CSMD1: variants seen among roughly 807,000 people sequenced by gnomAD.
The protein encoded by CSMD1 is CUB and sushi domain-containing protein 1.
CSMD1 carries 213 observed loss-of-function variants against 417.5 expected under a neutral mutation model. The ratio of observed to expected loss-of-function variants is 0.51; its 90% CI spans 0.46 to 0.57. The LOEUF is 0.57. Ranked by LOEUF, CSMD1 falls within the 20% of genes least tolerant of loss-of-function variation. The pLI is 0.00. For missense variants in CSMD1, 6,923 were observed against 4,529.7 expected (o/e 1.53, Z -15.17); for synonymous variants, 2,862 against 1,736.8 (o/e 1.65, Z -16.11).
rs1180306653 is a variant in CSMD1, at chr8:3,382,407, T to C, written c.2782+5087A>G. 4.1e-5 allele frequency among the ~76,000 whole-genome samples: 6 copies of C among 144,604 alleles called. No individual in the cohort carries two copies. The South Asian group carries it at 1.3e-3, about 30-fold the overall frequency. The allele number at this position is 144,604 out of a possible 152,430, so 94.9% of individuals were successfully genotyped here. On this transcript the variant is annotated intron_variant, in intron 18 of 69. Transcript: ENST00000635120. ...AATTAGTTATATATATGTTATTATA[T>C]AATATATAACACATAATATATTATA...
intron 8 of CSMD1, among the ~76,000 whole-genome samples, chr8:3,603,984 T>C (rs779188584): frequency 1.3e-5 from 2 of 152,188 alleles, no homozygotes; most frequent in East Asian, 1.9e-4. Context: ...AATGAAAATT[T>C]TGCATACTGA....
chr8:2,942,146 G>A (rs958272605), intron 69 of CSMD1, among the ~76,000 whole-genome samples: 3 of 152,082 alleles, frequency 2.0e-5, no homozygotes, highest in South Asian at 4.2e-4. Flanking sequence ...TGGACACATT[G>A]AGGGGACAAC....
chr8:3,397,575 G>C (rs951915831), intron 16 of CSMD1, among the ~76,000 whole-genome samples: 1 of 152,174 alleles, frequency 6.6e-6, no homozygotes, highest in Admixed American at 6.5e-5. Context: ...GGATTGCATA[G>C]TGCCAACTTT....
chr8:3,802,996 T>G (rs959568923), intron 5 of CSMD1, among the ~76,000 whole-genome samples: 7 of 152,210 alleles, frequency 4.6e-5, no homozygotes, highest in African/African-American at 1.7e-4. Flanking sequence ...GAAATATTTA[T>G]TATTTCCTTT....
At chr8:3,890,403 G>T (rs1160888177) in intron 5 of CSMD1, among the ~76,000 whole-genome samples, 1 of 151,900 alleles carries the variant, frequency 6.6e-6, no homozygotes, top group East Asian at 1.9e-4. Flanking sequence ...AAGACAAAGG[G>T]GACATCAGAC....
chr8:4,658,366 A>G (rs1804373869), intron 1 of CSMD1, among the ~76,000 whole-genome samples: 3 of 152,154 alleles, frequency 2.0e-5, no homozygotes, highest in African/African-American at 7.2e-5. Context: ...GAAGTAACTT[A>G]TTATACACAA....
At chr8:3,115,743 T>A (rs1453825080) in intron 42 of CSMD1, among the ~76,000 whole-genome samples, 1 of 152,248 alleles carries the variant, frequency 6.6e-6, no homozygotes, top group Non-Finnish European at 1.5e-5. Flanking sequence ...TACAAATTGA[T>A]TTCATATATA....
At chr8:4,110,824 T>A (rs919172072) in intron 3 of CSMD1, among the ~76,000 whole-genome samples, 7 of 152,186 alleles carry the variant, frequency 4.6e-5, no homozygotes, top group Admixed American at 2.0e-4. Context: ...TCTGCTTCTA[T>A]TTCTACTTTT....
At chr8:3,852,987 GT>G (rs1221255714) in intron 5 of CSMD1, among the ~76,000 whole-genome samples, 1 of 152,082 alleles carries the variant, frequency 6.6e-6, no homozygotes, top group Non-Finnish European at 1.5e-5. Flanking sequence ...CCCCAAGAGT[GT>G]TCTTGACTTG....
chr8:3,543,297 A>T (rs34204505), intron 10 of CSMD1, among the ~76,000 whole-genome samples: 1 of 152,122 alleles, frequency 6.6e-6, no homozygotes, highest in Non-Finnish European at 1.5e-5. Flanking sequence ...ACATTATTAG[A>T]ATAATTTATG....
chr8:3,154,560 T>G (rs1819401015), intron 39 of CSMD1, among the ~76,000 whole-genome samples: 1 of 152,250 alleles, frequency 6.6e-6, no homozygotes, highest in African/African-American at 2.4e-5. Context: ...AGAAAGAATA[T>G]ACAGAATTTT....
At chr8:3,660,547 A>G (rs13251055) in intron 7 of CSMD1, among the ~76,000 whole-genome samples, 71,398 of 71,762 alleles carry the variant, frequency 0.99, 35,522 homozygotes, top group Middle Eastern at 1. Context: ...TTGAAAAAAA[A>G]CAAGGCCCTG....
At chr8:4,893,007 C>G (rs539325266) in intron 1 of CSMD1, among the ~76,000 whole-genome samples, 56 of 152,224 alleles carry the variant, frequency 3.7e-4, no homozygotes, top group African/African-American at 1.3e-3. Context: ...GATACTGCAT[C>G]TGTGTTTGTA....
At chr8:4,688,567 AAGC>A (rs1806554978) in intron 1 of CSMD1, among the ~76,000 whole-genome samples, 12 of 152,180 alleles carry the variant, frequency 7.9e-5, no homozygotes, top group Non-Finnish European at 1.8e-4. Context: ...GTCTCCCACT[AAGC>A]AGCAGTCAGA....
At chr8:3,316,137 A>C (rs1805740772) in intron 23 of CSMD1, among the ~76,000 whole-genome samples, 1 of 152,292 alleles carries the variant, frequency 6.6e-6, no homozygotes, top group East Asian at 1.9e-4. Context: ...AAATAATTTC[A>C]CTCTAAATTC....
chr8:3,433,796 G>A (rs899411331), intron 12 of CSMD1, among the ~76,000 whole-genome samples: 3 of 152,172 alleles, frequency 2.0e-5, no homozygotes, highest in African/African-American at 7.2e-5. Context: ...ATTCACCAGT[G>A]CACAGTTCTA....
At chr8:3,713,328 T>G (rs566025946) in intron 6 of CSMD1, among the ~76,000 whole-genome samples, 23 of 152,342 alleles carry the variant, frequency 1.5e-4, no homozygotes, top group Non-Finnish European at 3.1e-4. Context: ...ATTACTATAT[T>G]TGAATGGCAG....
chr8:4,004,730 T>C (rs1247740445), intron 4 of CSMD1, among the ~76,000 whole-genome samples: 2 of 152,216 alleles, frequency 1.3e-5, no homozygotes, highest in South Asian at 2.1e-4. Context: ...GTGACTATTA[T>C]TCTTTATTCT....
intron 12 of CSMD1, among the ~76,000 whole-genome samples, chr8:3,434,419 CA>C: frequency 6.6e-6 from 1 of 152,226 alleles, no homozygotes; most frequent in Non-Finnish European, 1.5e-5. Context: ...CCAGTTAATT[CA>C]ATATTTGCTT....
Sources: allele counts gnomAD v4.1 joint callset (sites outside exome capture counted in the v4.1 genomes callset), GRCh38; gene constraint gnomAD v4.1.1; transcripts MANE v1.5; gene names NCBI Gene and HGNC (gene_info 2026-07-23, HGNC 2026-07-21).